Variants in TENM1 observed in about 807,000 individuals in gnomAD.
TENM1 encodes the protein teneurin-1.
In TENM1, 35 loss-of-function variants were observed where a neutral mutation model predicts 174.8. The ratio of observed to expected loss-of-function variants is 0.20; its 90% confidence interval spans 0.15 to 0.27. The LOEUF (loss-of-function observed/expected upper bound fraction) is 0.27. TENM1 is among the 10% of genes least tolerant of loss of function. The pLI, the probability that TENM1 is intolerant of heterozygous loss-of-function variation, is 1.00. For missense variants in TENM1, 1,633 were observed against 2,130.1 expected, an observed-to-expected ratio of 0.77 and a Z score of 4.59; for synonymous variants, 781 against 798.7, an observed-to-expected ratio of 0.98 and a Z score of 0.37.
At chrX:125,167,271 C>T in the TENM1 span, among the ~76,000 whole-genome samples, 1 of 111,688 alleles carries the variant, frequency 9.0e-6, no homozygotes, top group Admixed American at 9.5e-5. Flanking sequence ...TTTGCACTCT[C>T]AGTAGAGAAA....
At chrX:124,713,702 G>A (rs2053115423) in intron 4 of TENM1, among the ~76,000 whole-genome samples, 1 of 111,970 alleles carries the variant, frequency 8.9e-6, no homozygotes. Context: ...TAATTTCTAG[G>A]TACATTGTCT....
At chrX:124,685,137 AAAC>A (rs3060647) in intron 5 of TENM1, among the ~76,000 whole-genome samples, 4,237 of 106,047 alleles carry the variant, frequency 0.04, 203 homozygotes, top group African/African-American at 0.14. Context: ...AGCAAAAAAC[AAAC>A]AACAACAACA....
chrX:124,787,057 C>T (rs914835355), intron 3 of TENM1, among the ~76,000 whole-genome samples: 6 of 111,695 alleles, frequency 5.4e-5, no homozygotes, highest in African/African-American at 1.6e-4. Context: ...TAATTTCATT[C>T]AATACCCTGT....
At chrX:124,924,237 C>T (rs933408336) in intron 1 of TENM1, among the ~76,000 whole-genome samples, 7 of 111,725 alleles carry the variant, frequency 6.3e-5, no homozygotes, top group African/African-American at 2.3e-4. Flanking sequence ...TTTTATAATA[C>T]ATTTCAATCT....
intron 1 of TENM1, among the ~76,000 whole-genome samples, chrX:124,944,941 G>A (rs2058380271): frequency 9.0e-6 from 1 of 110,870 alleles, no homozygotes. Flanking sequence ...GTTTATATGT[G>A]TGGTCTTAGT....
At chrX:124,740,148 G>A (rs1301909617) in intron 3 of TENM1, among the ~76,000 whole-genome samples, 5 of 111,610 alleles carry the variant, frequency 4.5e-5, no homozygotes, top group Non-Finnish European at 9.4e-5. Context: ...GGGAAGGGAG[G>A]AAAAGGTGCA....
the TENM1 span, among the ~76,000 whole-genome samples, chrX:124,990,245 C>T: frequency 9.0e-6 from 1 of 111,048 alleles, no homozygotes; most frequent in African/African-American, 3.3e-5. Flanking sequence ...ATAAGAACTA[C>T]ATTCAGTGTG....
At chrX:124,723,603 G>GTTTTTTTTTTT (rs1198093791) in intron 4 of TENM1, among the ~76,000 whole-genome samples, 1 of 74,941 alleles carries the variant, frequency 1.3e-5, no homozygotes, top group African/African-American at 5.2e-5. Context: ...TTTTTTTTTT[G>GTTTTTTTTTTT]TTTTTTTTTT....
At chrX:124,918,414 A>G (rs2057963984) in intron 1 of TENM1, among the ~76,000 whole-genome samples, 1 of 110,581 alleles carries the variant, frequency 9.0e-6, no homozygotes, top group Admixed American at 9.7e-5. Flanking sequence ...TCCTGACCTC[A>G]GGTGATCCAC....
chrX:124,692,157 A>G (rs968496581), intron 5 of TENM1, among the ~76,000 whole-genome samples: 5 of 111,738 alleles, frequency 4.5e-5, no homozygotes, highest in African/African-American at 9.8e-5. Context: ...CTCTAATATC[A>G]GGGTGTTTAA....
At chrX:125,197,352 A>T in the TENM1 span, among the ~76,000 whole-genome samples, 1 of 111,797 alleles carries the variant, frequency 8.9e-6, no homozygotes, top group Non-Finnish European at 1.9e-5. Context: ...AAATAGAAAA[A>T]CAATTGAAAA....
intron 22 of TENM1, among the ~76,000 whole-genome samples, chrX:124,458,032 G>A (rs1357334546): frequency 1.8e-5 from 2 of 111,326 alleles, no homozygotes; most frequent in African/African-American, 6.5e-5. Context: ...CAACTTCCAG[G>A]GAAATTCCTA....
At chrX:125,038,938 A>C in the TENM1 span, among the ~76,000 whole-genome samples, 1 of 111,823 alleles carries the variant, frequency 8.9e-6, no homozygotes, top group African/African-American at 3.2e-5. Context: ...GTATTTAAAT[A>C]AATAGACTTC....
At chrX:124,608,212 G>A (rs998664103) in intron 11 of TENM1, among the ~76,000 whole-genome samples, 1 of 111,234 alleles carries the variant, frequency 9.0e-6, no homozygotes, top group Non-Finnish European at 1.9e-5. Context: ...AGTTTTAGTC[G>A]AGTGCTTGTA....
the TENM1 span, among the ~76,000 whole-genome samples, chrX:125,182,926 C>A: frequency 6.3e-5 from 7 of 111,935 alleles, no homozygotes; most frequent in Admixed American, 6.6e-4. Context: ...ATTTAAAAAT[C>A]AATTTAAAAT....
chrX:124,879,516 C>T (rs2057266877), intron 3 of TENM1, among the ~76,000 whole-genome samples: 1 of 112,126 alleles, frequency 8.9e-6, no homozygotes, highest in African/African-American at 3.2e-5. Flanking sequence ...ATCCACTCAT[C>T]CACTGATGGA....
the TENM1 span, among the ~76,000 whole-genome samples, chrX:125,107,897 T>A: frequency 1.8e-5 from 2 of 111,985 alleles, no homozygotes; most frequent in African/African-American, 6.5e-5. Context: ...TAATCACACC[T>A]CCTACTATTG....
chrX:124,982,503 T>G, the TENM1 span, among the ~76,000 whole-genome samples: 1 of 111,118 alleles, frequency 9.0e-6, no homozygotes, highest in Non-Finnish European at 1.9e-5. Flanking sequence ...CAGGGCACCA[T>G]GGGGTATTTG....
At chrX:124,392,459 C>T in intron 27 of TENM1, 111 bp from the exon 31 acceptor site, 2 of 612,487 alleles carry the variant, frequency 3.3e-6, no homozygotes, top group Non-Finnish European at 5.0e-6. Context: ...TCTGTCTTGC[C>T]TCTGAAGCCT....
Sources: allele counts gnomAD v4.1 joint callset (sites outside exome capture counted in the v4.1 genomes callset), GRCh38; gene constraint gnomAD v4.1.1; transcripts MANE v1.5; gene names NCBI Gene and HGNC (gene_info 2026-07-23, HGNC 2026-07-21).